Variants in PIAS1 observed in about 807,000 individuals in gnomAD.
PIAS1 encodes the protein E3 SUMO-protein ligase PIAS1.
In PIAS1, 6 loss-of-function variants were observed where a neutral mutation model predicts 71.3. The ratio of observed to expected loss-of-function variants is 0.08; its 90% CI spans 0.05 to 0.17. The LOEUF (loss-of-function observed/expected upper bound fraction) is 0.17, where lower values mean the gene tolerates loss of function less well. Ranked by LOEUF, PIAS1 falls within the 10% of genes least tolerant of loss-of-function variation. The pLI, the probability that PIAS1 is intolerant of heterozygous loss-of-function variation, is 1.00. For synonymous variants in PIAS1, 303 were observed against 292.9 expected (o/e 1.03, Z -0.35); for missense variants, 555 against 793.6 (o/e 0.70, Z 3.61).
rs1450820662 is a variant in PIAS1 at position 68,142,275 on chromosome 15, T to A, written c.555-15T>A. 1.3e-6 allele frequency: 2 copies of A among 1,593,710 alleles called. No individual in the cohort carries two copies. Among genetic ancestry groups the A allele is most frequent in the Non-Finnish European group, 1.7e-6 (2 of 1,162,956 alleles). ...ACTTTAAAAGTAATTGTAATTCCTA[T>A]TCTGTCTCTTCTAGGGATATTTCTG... On this transcript the variant is annotated splice_polypyrimidine_tract_variant and intron_variant, in intron 3 of 13. Coordinates refer to ENST00000249636, the MANE Select transcript of PIAS1 (RefSeq NM_016166.3).
chr15:68,145,363 A>G (rs531434414), intron 4 of PIAS1, among the ~76,000 whole-genome samples: 1 of 152,350 alleles, frequency 6.6e-6, no homozygotes, highest in South Asian at 2.1e-4. Context: ...TTTGGAAAAT[A>G]CTGCATACAG....
At chr15:68,075,338 GGCCTCC>G (rs1382643040) in intron 1 of PIAS1, among the ~76,000 whole-genome samples, 3 of 151,774 alleles carry the variant, frequency 2.0e-5, no homozygotes, top group African/African-American at 7.3e-5. Context: ...CGCCCACCTC[GGCCTCC>G]CAAAGTGCTG....
At chr15:68,163,653 A>G (rs1353739325) in intron 7 of PIAS1, among the ~76,000 whole-genome samples, 1 of 152,202 alleles carries the variant, frequency 6.6e-6, no homozygotes, top group Non-Finnish European at 1.5e-5. Flanking sequence ...AGGATTTCTC[A>G]TAAATGGTTA....
chr15:68,097,427 A>T (rs1479558014), intron 2 of PIAS1, among the ~76,000 whole-genome samples: 1 of 151,798 alleles, frequency 6.6e-6, no homozygotes, highest in African/African-American at 2.4e-5. Context: ...GTAATTAATT[A>T]ATTAATTTAT....
rs190586833 is a variant in PIAS1, at chr15:68,078,525, C to T, written c.25-7781C>T. On this transcript the variant is annotated intron_variant, in intron 1 of 13. Coordinates refer to ENST00000249636, the MANE Select transcript of PIAS1 (RefSeq NM_016166.3). ...TGCTCATGTTATACTGTATAAATTC[C>T]TTGACTGTCATTTAGTGCCCCCGTC... Among the ~76,000 whole-genome samples, 170 of 152,166 alleles carry T rather than the reference C, an allele frequency of 1.1e-3. 1 individual carries two copies. Among genetic ancestry groups the T allele is most frequent in the African/African-American group, 4.0e-3 (165 of 41,512 alleles).
At chr15:68,151,459 T>A (rs2092843233) in intron 6 of PIAS1, among the ~76,000 whole-genome samples, 1 of 152,028 alleles carries the variant, frequency 6.6e-6, no homozygotes, top group Admixed American at 6.6e-5. Context: ...TTAGCATTTC[T>A]CCAGTTTCTG....
intron 1 of PIAS1, among the ~76,000 whole-genome samples, chr15:68,066,551 G>GC (rs2092029569): frequency 6.6e-6 from 1 of 152,104 alleles, no homozygotes; most frequent in Admixed American, 6.5e-5. Flanking sequence ...TACCTATTTT[G>GC]TTTTTTTCCT....
rs2093108662 is a variant in PIAS1 at position 68,189,539 on chromosome 15, CTT to C, written c.*1705_*1706del. The C allele has an allele frequency of 6.6e-6, 1 of 152,000 alleles. No individual in the cohort carries two copies. Among genetic ancestry groups the C allele is most frequent in the Non-Finnish European group, 1.5e-5 (1 of 68,004 alleles). The allele number at this position is 152,000 out of a possible 1,614,324, so 9.4% of individuals were successfully genotyped here. A position where few individuals can be genotyped will look rare whatever the true frequency, so the allele number is the denominator to read the frequency against. ...ATGATAAAATTAATGGTTCTCATGA[CTT>C]GTGTGGCATCTAAAAATAATGTTTT... On this transcript the variant is annotated 3_prime_UTR_variant, in exon 14 of 14. Coordinates refer to ENST00000249636, the MANE Select transcript of PIAS1 (RefSeq NM_016166.3).
chr15:68,120,102 C>T (rs763744649), intron 2 of PIAS1, among the ~76,000 whole-genome samples: 3 of 152,224 alleles, frequency 2.0e-5, no homozygotes, highest in Non-Finnish European at 2.9e-5. Context: ...GCCACCATGC[C>T]CAGGTCATCC....
chr15:68,072,951 T>C (rs2092116013), intron 1 of PIAS1, among the ~76,000 whole-genome samples: 1 of 152,244 alleles, frequency 6.6e-6, no homozygotes, highest in African/African-American at 2.4e-5. Context: ...TGGATGCCAG[T>C]ATGCTCAGTA....
chr15:68,154,083 A>G (rs2092869445), intron 7 of PIAS1: 1 of 161,798 alleles, frequency 6.2e-6, no homozygotes, highest in African/African-American at 2.4e-5. Context: ...GAAGAGAGCC[A>G]GTGGGGTGGT....
At chr15:68,070,886 G>A (rs912203517) in intron 1 of PIAS1, among the ~76,000 whole-genome samples, 14 of 151,978 alleles carry the variant, frequency 9.2e-5, no homozygotes, top group African/African-American at 3.1e-4. Flanking sequence ...CTCTGAAAGC[G>A]TTGGGATTAC....
chr15:68,065,915 C>CTTTTTTT lies in PIAS1; in HGVS notation c.24+11587_24+11593dup, dbSNP rs869104577. 5.0e-3 allele frequency among the ~76,000 whole-genome samples: 200 copies of CTTTTTTT among 40,174 alleles called. 53 individuals are homozygous for CTTTTTTT. Among genetic ancestry groups the CTTTTTTT allele is most frequent in the African/African-American group, 0.014 (108 of 7,532 alleles). The allele number at this position is 40,174 out of a possible 152,430, so 26.4% of individuals were successfully genotyped here. A position where few individuals can be genotyped will look rare whatever the true frequency, so the allele number is the denominator to read the frequency against. On this transcript the variant is annotated intron_variant, in intron 1 of 13. Transcript: ENST00000249636. ...GCCACCATGCTCAGCTGACTAAAAG[C>CTTTTTTT]TTTTTTTTTTTTTTTTTTTTTTTTT...
rs544840514 is a variant in PIAS1 at position 68,189,467 on chromosome 15, A to T, written c.*1632A>T. The T allele has an allele frequency of 6.6e-6, 1 of 152,324 alleles. No individual in the cohort carries two copies. The highest frequency in any genetic ancestry group is 1.5e-5 in the Non-Finnish European group (1 of 68,018). The allele number at this position is 152,324 out of a possible 1,614,324, so 9.4% of individuals were successfully genotyped here. A position where few individuals can be genotyped will look rare whatever the true frequency, so the allele number is the denominator to read the frequency against. ...TAAACCTTGCATTGGTAACAAAATG[A>T]TCAACTTTAATCCAGGTAGAATTCA... On this transcript the variant is annotated 3_prime_UTR_variant, in exon 14 of 14. Transcript: ENST00000249636.
In PIAS1 at chr15:68,167,728, C is replaced by T. The variant is rs1436698587; in HGVS notation, c.1008+2924C>T. ...TTTTTGTTTTGTTTTGTTTTTGAGA[C>T]AGAGTTTTGCTCTGTCACCCAGGCT... On this transcript the variant is annotated intron_variant, in intron 8 of 13. Coordinates refer to ENST00000249636, the MANE Select transcript of PIAS1 (RefSeq NM_016166.3). This position sits in a 1 kb window ranked among gnomAD's most constrained non-coding sequence, Gnocchi z 4.4. Among the ~76,000 whole-genome samples the T allele has an allele frequency of 1.3e-5, 2 of 152,102 alleles. No homozygotes were observed. Among genetic ancestry groups the T allele is most frequent in the African/African-American group, 4.8e-5 (2 of 41,428 alleles).
Position 68,188,932 on chromosome 15 carries a change from AAATT to A in PIAS1, c.*1098_*1101del, listed in dbSNP as rs1268033756. 6.6e-6 allele frequency: 1 copy of A among 152,244 alleles called. No homozygotes were observed. Among genetic ancestry groups the A allele is most frequent in the African/African-American group, 2.4e-5 (1 of 41,464 alleles). 9.4% of individuals were successfully genotyped at this position (152,244 alleles called of 1,614,324 possible). On this transcript the variant is annotated 3_prime_UTR_variant, in exon 14 of 14. Coordinates refer to ENST00000249636, the MANE Select transcript of PIAS1 (RefSeq NM_016166.3). ...ATACACGGTCAGTTATCCTAAAAAT[AAATT>A]GTTTGGAAAGTACAATGCACCACAT...
chr15:68,082,476 C>T lies in PIAS1; in HGVS notation c.25-3830C>T, dbSNP rs2092238212. Among the ~76,000 whole-genome samples, 5 of 152,156 alleles carry T rather than the reference C, an allele frequency of 3.3e-5. No homozygotes were observed. In the South Asian group the frequency reaches 1.0e-3, roughly 32 times the overall value. ...GAAAGTTAATACTTTTAGCTGTTTG[C>T]AGATGAATTAGCAGTAGGTACCTAG... On this transcript the variant is annotated intron_variant, in intron 1 of 13. Coordinates refer to ENST00000249636, the MANE Select transcript of PIAS1 (RefSeq NM_016166.3).
chr15:68,062,849 A>T (rs1370771234), intron 1 of PIAS1, among the ~76,000 whole-genome samples: 1 of 151,942 alleles, frequency 6.6e-6, no homozygotes, highest in Non-Finnish European at 1.5e-5. Context: ...GCTTTTTTTT[A>T]CAATAGATAG....
chr15:68,086,588 C>A lies in PIAS1; in HGVS notation c.307C>A (p.Pro103Thr), dbSNP rs1334123753. The change falls in exon 2 of 14, where the codon CCT becomes ACT. Residue 103 changes from proline (P) to threonine (T), a missense_variant. Physicochemically the swap from Pro to Thr is conservative, Grantham distance 38. Around this residue, in one of 5 missense-constraint regions of PIAS1, gnomAD observed 80 missense variants for 66.9 expected, o/e 1.20. Coordinates refer to ENST00000249636, the MANE Select transcript of PIAS1 (RefSeq NM_016166.3). The surrounding 1 kb of genome is among the most constrained non-coding windows in gnomAD (Gnocchi z 7.2). Reference protein sequence around the residue: ...TIPQLTYDGHPASSPLLPVSL... With the variant: ...TIPQLTYDGHTASSPLLPVSL... ...TCCACAACTCACTTACGATGGTCAC[C>A]CTGCATCATCGCCATTACTCCCTGT... The A allele has an allele frequency of 6.2e-7, 1 of 1,613,784 alleles. No homozygotes were observed. The highest frequency in any genetic ancestry group is 8.5e-7 in the Non-Finnish European group (1 of 1,179,834).
Sources: gnomAD v4.1 joint callset for allele counts (sites outside exome capture counted in the v4.1 genomes callset) on GRCh38, gnomAD v4.1.1 for gene constraint, gnomAD v4.1.1 regional missense constraint, Gnocchi (gnomAD v3.1) non-coding constraint, MANE v1.5 for transcripts, NCBI Gene and HGNC (gene_info 2026-07-23, HGNC 2026-07-21) for gene names.